Variants in CELF2 observed in about 807,000 individuals in gnomAD.
CELF2 encodes CUG triplet repeat RNA-binding protein 2.
Under a neutral mutation model 62.6 loss-of-function variants are expected in CELF2, and 8 were observed. That is an observed-to-expected ratio of 0.13 (90% CI 0.07 to 0.23). The LOEUF (loss-of-function observed/expected upper bound fraction) is 0.23, where lower values mean the gene tolerates loss of function less well. Among genes scored for constraint, CELF2 ranks in the 10% least tolerant of loss-of-function variants. The pLI is 1.00. For synonymous variants in CELF2, 258 were observed against 250.0 expected, an observed-to-expected ratio of 1.03 and a Z score of -0.30; for missense variants, 333 against 671.0, an observed-to-expected ratio of 0.50 and a Z score of 5.56.
intron 1 of CELF2, among the ~76,000 whole-genome samples, chr10:11,144,434 A>G (rs900310235): frequency 3.9e-5 from 6 of 152,168 alleles, no homozygotes; most frequent in Non-Finnish European, 8.8e-5. Flanking sequence ...TACGCAACAG[A>G]CTGTATGTAG....
At chr10:10,698,084 G>T in the CELF2 span, among the ~76,000 whole-genome samples, 3 of 152,182 alleles carry the variant, frequency 2.0e-5, no homozygotes, top group Non-Finnish European at 2.9e-5. Context: ...ATATCAATTG[G>T]GGGGTGGGGC....
At chr10:10,604,126 C>T in the CELF2 span, among the ~76,000 whole-genome samples, 1 of 152,188 alleles carries the variant, frequency 6.6e-6, no homozygotes, top group African/African-American at 2.4e-5. Context: ...ACAAGAATCG[C>T]TTGAACCTGG....
chr10:10,687,165 A>G, the CELF2 span, among the ~76,000 whole-genome samples: 1 of 152,196 alleles, frequency 6.6e-6, no homozygotes, highest in African/African-American at 2.4e-5. Flanking sequence ...ACAGATGGGC[A>G]CATGCAAAGT....
the CELF2 span, among the ~76,000 whole-genome samples, chr10:10,506,474 T>C: frequency 6.6e-6 from 1 of 152,088 alleles, no homozygotes; most frequent in Admixed American, 6.6e-5. Context: ...CAAACTTCAC[T>C]GTCAAGAGAC....
chr10:10,490,954 A>T, the CELF2 span, among the ~76,000 whole-genome samples: 1 of 152,222 alleles, frequency 6.6e-6, no homozygotes, highest in African/African-American at 2.4e-5. Context: ...TAAAAACAGC[A>T]TTAGAGGAGC....
At chr10:10,760,988 TA>T in the CELF2 span, among the ~76,000 whole-genome samples, 1 of 152,214 alleles carries the variant, frequency 6.6e-6, no homozygotes, top group African/African-American at 2.4e-5. Context: ...TGACATGGTC[TA>T]AGTGTATCTT....
chr10:10,689,751 A>G, the CELF2 span, among the ~76,000 whole-genome samples: 2 of 152,226 alleles, frequency 1.3e-5, no homozygotes, highest in Non-Finnish European at 2.9e-5. Flanking sequence ...AAAGCCCTCT[A>G]TTCAGCCAAG....
At chr10:11,032,061 G>T (rs190439595) in intron 1 of CELF2, among the ~76,000 whole-genome samples, 3 of 150,702 alleles carry the variant, frequency 2.0e-5, no homozygotes, top group Admixed American at 2.0e-4. Flanking sequence ...AGTTGGTTGA[G>T]GTGCATGCCT....
intron 2 of CELF2, among the ~76,000 whole-genome samples, chr10:11,195,715 A>T (rs1342427294): frequency 6.6e-6 from 1 of 152,346 alleles, no homozygotes; most frequent in African/African-American, 2.4e-5. Context: ...AGTTGCAGCC[A>T]CTAAGAGAGT....
upstream of CELF2, among the ~76,000 whole-genome samples, chr10:11,000,922 C>T (rs1024874598): frequency 6.6e-6 from 1 of 152,192 alleles, no homozygotes. Flanking sequence ...TATTTGCAGA[C>T]GTCACTGCTT....
rs542866448 is a variant in CELF2, at chr10:11,029,100, G to A, written c.74+10937G>A. 6.6e-5 allele frequency among the ~76,000 whole-genome samples: 10 copies of A among 152,258 alleles called. No homozygotes were observed. In the South Asian group the frequency reaches 2.1e-3, roughly 32 times the overall value. On this transcript the variant is annotated intron_variant, in intron 1 of 12. Coordinates refer to ENST00000633077, the MANE Select transcript of CELF2 (RefSeq NM_001326342.2). ...GGTGGCCTCATAAGGTGCTCAGGCC[G>A]CAGAATGCCTGGAGGATGTAGATGG... is the stretch of plus-strand genomic sequence containing the variant.
chr10:10,562,126 A>T, the CELF2 span, among the ~76,000 whole-genome samples: 1 of 152,194 alleles, frequency 6.6e-6, no homozygotes, highest in Non-Finnish European at 1.5e-5. Context: ...TGGAGAGGTT[A>T]TTAGGACAAG....
chr10:11,325,295 AATAAAGATGATTATTAG>A (rs2095662767), intron 11 of CELF2, among the ~76,000 whole-genome samples: 1 of 152,248 alleles, frequency 6.6e-6, no homozygotes, highest in Non-Finnish European at 1.5e-5. Flanking sequence ...AGTCATTTCT[AATAAAGATGATTATTAG>A]ACTGTGTGTT....
chr10:10,949,806 A>G (rs1592298995), intron 2 of CELF2, among the ~76,000 whole-genome samples: 1 of 145,666 alleles, frequency 6.9e-6, no homozygotes, highest in East Asian at 2.1e-4. Flanking sequence ...GTCGCAAAAC[A>G]AAACGAAACA....
intron 1 of CELF2, among the ~76,000 whole-genome samples, chr10:11,092,844 G>C (rs1461409840): frequency 6.6e-6 from 1 of 152,156 alleles, no homozygotes; most frequent in Non-Finnish European, 1.5e-5. Context: ...CAGCATTCTA[G>C]ACTGCTAAAC....
At chr10:10,813,775 G>A (rs2399574) in intron 1 of CELF2, among the ~76,000 whole-genome samples, 10,556 of 152,216 alleles carry the variant, frequency 0.069, 561 homozygotes, top group East Asian at 0.18. Context: ...AAAAACAGGT[G>A]TTGGGCTGGA....
intron 2 of CELF2, among the ~76,000 whole-genome samples, chr10:11,193,833 G>A (rs989217836): frequency 7.2e-5 from 11 of 152,138 alleles, no homozygotes; most frequent in African/African-American, 1.9e-4. Flanking sequence ...CCCATATGAC[G>A]CTTCATGTTT....
chr10:10,731,462 T>C, the CELF2 span, among the ~76,000 whole-genome samples: 1 of 152,178 alleles, frequency 6.6e-6, no homozygotes, highest in African/African-American at 2.4e-5. Context: ...ATGACAATTG[T>C]ATAAAATGGA....
At chr10:11,282,275 A>T (rs981098645) in intron 8 of CELF2, among the ~76,000 whole-genome samples, 1 of 152,124 alleles carries the variant, frequency 6.6e-6, no homozygotes, top group African/African-American at 2.4e-5. Context: ...CCAGATGGGG[A>T]CCGAGAGGGC....
Sources: gnomAD v4.1 joint callset for allele counts (sites outside exome capture counted in the v4.1 genomes callset) on GRCh38, gnomAD v4.1.1 for gene constraint, MANE v1.5 for transcripts, NCBI Gene and HGNC (gene_info 2026-07-23, HGNC 2026-07-21) for gene names.